The following AMMECR1 variants were observed in gnomAD, a reference collection of about 807,000 sequenced individuals.
The protein encoded by AMMECR1 is AMMECR nuclear protein 1, also known as nuclear protein AMMECR1.
In AMMECR1, 3 loss-of-function variants were observed where a neutral mutation model predicts 22.5. The ratio of observed to expected loss-of-function variants is 0.13; its 90% CI spans 0.06 to 0.35. AMMECR1 has a LOEUF of 0.35. Among genes scored for constraint, AMMECR1 ranks in the 10% least tolerant of loss-of-function variants. AMMECR1 has a pLI of 1.00. For synonymous variants in AMMECR1, 130 were observed against 116.7 expected, an observed-to-expected ratio of 1.11 and a Z score of -0.74; for missense variants, 235 against 278.7, an observed-to-expected ratio of 0.84 and a Z score of 1.12.
At chrX:110,223,865 G>A (rs1361932468) in intron 2 of AMMECR1, among the ~76,000 whole-genome samples, 1 of 111,712 alleles carries the variant, frequency 9.0e-6, no homozygotes, top group Non-Finnish European at 1.9e-5. Flanking sequence ...CAACAGCTTG[G>A]GTTCTGGAGT....
chrX:110,307,853 C>CTTTTTTTTTCT (rs2068004728), intron 1 of AMMECR1, among the ~76,000 whole-genome samples: 1 of 90,994 alleles, frequency 1.1e-5, no homozygotes, highest in African/African-American at 4.0e-5. Flanking sequence ...CTGCTAGAAA[C>CTTTTTTTTTCT]TTTTTTTTTT....
chrX:110,301,069 T>C (rs1013859993), intron 1 of AMMECR1, among the ~76,000 whole-genome samples: 18 of 111,860 alleles, frequency 1.6e-4, no homozygotes, highest in Admixed American at 1.4e-3. Context: ...GGTTGAAAAC[T>C]AGACATTTTA....
intron 1 of AMMECR1, among the ~76,000 whole-genome samples, chrX:110,436,093 T>C (rs2068836819): frequency 8.9e-6 from 1 of 112,730 alleles, no homozygotes; most frequent in Admixed American, 9.3e-5. Flanking sequence ...AGAATCGCTG[T>C]GCGTTTTGCA....
At chrX:110,246,570 T>C (rs2067659230) in intron 2 of AMMECR1, among the ~76,000 whole-genome samples, 1 of 112,005 alleles carries the variant, frequency 8.9e-6, no homozygotes. Flanking sequence ...TAATCCCTCA[T>C]AGCTACTTAG....
rs1013042719 is a variant in AMMECR1 at position 110,384,996 on chromosome X, G to A, written c.-148+41662C>T. Reference sequence around the variant, plus strand: ...TCTGTGCAGAGAAGACACTTTGAAAGCCTAAGACTATCATAGTTCCAGCAG... The same window carrying A: ...TCTGTGCAGAGAAGACACTTTGAAAACCTAAGACTATCATAGTTCCAGCAG... On this transcript the variant is annotated intron_variant, in intron 2 of 7. Coordinates refer to the AMMECR1 transcript ENST00000372057. 2.7e-5 allele frequency among the ~76,000 whole-genome samples: 3 copies of A among 110,655 alleles called. No homozygotes were observed. The Admixed American group carries it at 2.9e-4, about 11-fold the overall frequency.
intron 2 of AMMECR1, among the ~76,000 whole-genome samples, chrX:110,340,357 C>G (rs149806370): frequency 2.7e-5 from 3 of 112,050 alleles, no homozygotes; most frequent in South Asian, 7.5e-4. Flanking sequence ...AAAATAGAAA[C>G]TCAGTCTCTC....
chrX:110,388,935 A>G (rs1249058481), intron 2 of AMMECR1, among the ~76,000 whole-genome samples: 1 of 112,543 alleles, frequency 8.9e-6, no homozygotes, highest in Non-Finnish European at 1.9e-5. Flanking sequence ...GTCAGATTCC[A>G]GTACCAGGGG....
intron 2 of AMMECR1, among the ~76,000 whole-genome samples, chrX:110,257,398 G>C (rs140502675): frequency 2.7e-5 from 3 of 111,925 alleles, no homozygotes; most frequent in Admixed American, 9.4e-5. Flanking sequence ...GCTAATGTTT[G>C]GTAAACTCCC....
intron 2 of AMMECR1, among the ~76,000 whole-genome samples, chrX:110,377,542 G>T (rs1167974558): frequency 8.9e-6 from 1 of 111,816 alleles, no homozygotes; most frequent in Non-Finnish European, 1.9e-5. Flanking sequence ...GAACTATTAT[G>T]TACTATTCCC....
chrX:110,232,820 G>T (rs1253929081), intron 2 of AMMECR1, among the ~76,000 whole-genome samples: 1 of 102,757 alleles, frequency 9.7e-6, no homozygotes, highest in African/African-American at 3.6e-5. Context: ...AACCCGGGAG[G>T]CGGAGCTTGC....
intron 2 of AMMECR1, among the ~76,000 whole-genome samples, chrX:110,342,648 G>T (rs2068169547): frequency 8.9e-6 from 1 of 112,038 alleles, no homozygotes; most frequent in Admixed American, 9.4e-5. Context: ...GGGATTACAG[G>T]CATGAGCCAC....
chrX:110,417,177 T>C (rs1229318966), intron 2 of AMMECR1, among the ~76,000 whole-genome samples: 2 of 112,073 alleles, frequency 1.8e-5, no homozygotes, highest in African/African-American at 3.2e-5. Flanking sequence ...GAATCCCTCC[T>C]CTCGGCAGGC....
At chrX:110,314,992 T>TAA (rs1273677517) in intron 1 of AMMECR1, among the ~76,000 whole-genome samples, 3 of 111,048 alleles carry the variant, frequency 2.7e-5, no homozygotes, top group Non-Finnish European at 5.7e-5. Flanking sequence ...TATGAGAAGT[T>TAA]AAAACTGTCA....
intron 2 of AMMECR1, among the ~76,000 whole-genome samples, chrX:110,259,590 T>A (rs888117119): frequency 6.9e-4 from 75 of 109,250 alleles, no homozygotes; most frequent in Non-Finnish European, 3.2e-4. Context: ...ACTTTCTTTT[T>A]CTTTTTTTTT....
At chrX:110,229,930 C>T (rs184810124) in intron 2 of AMMECR1, among the ~76,000 whole-genome samples, 44 of 112,922 alleles carry the variant, frequency 3.9e-4, no homozygotes, top group African/African-American at 1.2e-3. Flanking sequence ...GATGCATCTG[C>T]GAGGCGGCAG....
intron 2 of AMMECR1, among the ~76,000 whole-genome samples, chrX:110,223,427 A>G (rs2067514828): frequency 8.9e-6 from 1 of 112,162 alleles, no homozygotes; most frequent in Admixed American, 9.4e-5. Context: ...ACTGTACACC[A>G]TAACAACAGT....
chrX:110,284,781 G>A (rs2067870676), intron 1 of AMMECR1, among the ~76,000 whole-genome samples: 1 of 111,905 alleles, frequency 8.9e-6, no homozygotes, highest in African/African-American at 3.3e-5. Flanking sequence ...GTCAAGCTTG[G>A]CCAAGGCCAC....
chrX:110,370,874 T>C (rs1168665106), intron 2 of AMMECR1, among the ~76,000 whole-genome samples: 3 of 112,088 alleles, frequency 2.7e-5, no homozygotes, highest in Non-Finnish European at 5.6e-5. Context: ...ATATAAAAAT[T>C]TGGACCTCGT....
rs2067363776 is a variant in AMMECR1, at chrX:110,195,107, A to T, written c.*3413T>A. The stretch of plus-strand genomic sequence containing the variant: ...GCTTCTTTGGTTTGATCTAACACAC[A>T]TAAGAGATGGAACCTATTCCAGATG... On this transcript the variant is annotated 3_prime_UTR_variant, in exon 6 of 6. Coordinates refer to ENST00000262844, the MANE Select transcript of AMMECR1 (RefSeq NM_015365.3). 2 of 112,395 alleles carry T rather than the reference A, an allele frequency of 1.8e-5. No individual in the cohort carries two copies. The highest frequency in any genetic ancestry group is 6.5e-5 in the African/African-American group (2 of 30,912). 9.3% of individuals were successfully genotyped at this position (112,395 alleles called of 1,213,427 possible). A position where few individuals can be genotyped will look rare whatever the true frequency, so the allele number is the denominator to read the frequency against.
Sources: allele counts gnomAD v4.1 joint callset (sites outside exome capture counted in the v4.1 genomes callset), GRCh38; gene constraint gnomAD v4.1.1; transcripts MANE v1.5; gene names NCBI Gene and HGNC (gene_info 2026-07-23, HGNC 2026-07-21).